Variants in CLCN4 observed in about 807,000 individuals in gnomAD.
CLCN4 encodes Cl-/H+ antiporter 4.
Under a neutral mutation model 41.7 loss-of-function variants are expected in CLCN4, and 1 was observed. The ratio of observed to expected loss-of-function variants is 0.02; its 90% CI spans 0.01 to 0.11. CLCN4 has a LOEUF of 0.11. Among genes scored for constraint, CLCN4 ranks in the 10% least tolerant of loss-of-function variants. The probability of loss-of-function intolerance (pLI) is 1.00; values close to 1 mark genes in which losing one functional copy is unlikely to be tolerated. For missense variants in CLCN4, 287 were observed against 661.0 expected, an observed-to-expected ratio of 0.43 and a Z score of 6.20; for synonymous variants, 277 against 285.8, an observed-to-expected ratio of 0.97 and a Z score of 0.31.
chrX:10,186,309 G>A (rs1923809441), intron 3 of CLCN4, among the ~76,000 whole-genome samples: 1 of 111,283 alleles, frequency 9.0e-6, no homozygotes, highest in African/African-American at 3.3e-5. Context: ...AAACAGCCAC[G>A]GTGGCGTGGG....
intron 11 of CLCN4, among the ~76,000 whole-genome samples, chrX:10,218,189 A>G (rs1413971706): frequency 8.9e-6 from 1 of 112,401 alleles, no homozygotes; most frequent in African/African-American, 3.2e-5. Context: ...CATTTTTTCA[A>G]AATGAAAGTA....
Position 10,220,838 on chromosome X carries a change from G to A in CLCN4, c.2153G>A (p.Arg718Gln), listed in dbSNP as rs779824005. Residue 718 changes from arginine to glutamine, a missense_variant, in exon 12 of 13, where the codon CGG becomes CAG. Coordinates refer to ENST00000380833, the MANE Select transcript of CLCN4 (RefSeq NM_001830.4). Reference protein sequence around the residue: ...TPMETVVDIFRKLGLRQCLVT... With the variant: ...TPMETVVDIFQKLGLRQCLVT... ...ATGGAAACGGTGGTGGATATCTTCC[G>A]GAAACTGGGGCTTCGGCAGTGCCTG... The A allele has an allele frequency of 9.1e-6, 11 of 1,210,197 alleles. No homozygotes were observed. In the Admixed American group the frequency reaches 1.3e-4, roughly 14 times the overall value.
rs61453535 is a variant in CLCN4, at chrX:10,204,613, C to CTTTTTTTTTTTTTTTTTTTTT, written c.556-1729_556-1709dup. ...CTATTCTCACCAGAAAGCTAGTAGT[C>CTTTTTTTTTTTTTTTTTTTTT]TTTTTTTTTTTTTTTTTTTTTTTTT... On this transcript the variant is annotated intron_variant, in intron 6 of 12. Transcript: ENST00000380833. 2.6e-4 allele frequency among the ~76,000 whole-genome samples: 7 copies of CTTTTTTTTTTTTTTTTTTTTT among 27,349 alleles called. 2 individuals are homozygous for CTTTTTTTTTTTTTTTTTTTTT. Among genetic ancestry groups the CTTTTTTTTTTTTTTTTTTTTT allele is most frequent in the Admixed American group, 5.5e-4 (1 of 1,834 alleles). The allele number at this position is 27,349 out of a possible 115,157, so 23.7% of individuals were successfully genotyped here. A position where few individuals can be genotyped will look rare whatever the true frequency, so the allele number is the denominator to read the frequency against.
chrX:10,235,161 G>T lies in CLCN4; in HGVS notation c.*1577G>T, dbSNP rs989907575. On this transcript the variant is annotated 3_prime_UTR_variant, in exon 13 of 13. Coordinates refer to ENST00000380833, the MANE Select transcript of CLCN4 (RefSeq NM_001830.4). ...TTCTTTTTCACCGTTTTTACCTTTT[G>T]TCCTCTGGCTTATTGCCTCAGAGTT... The T allele has an allele frequency of 8.9e-6, 1 of 112,388 alleles. No individual in the cohort carries two copies. The highest frequency in any genetic ancestry group is 3.2e-5 in the African/African-American group (1 of 30,827). 9.3% of individuals were successfully genotyped at this position (112,388 alleles called of 1,213,427 possible).
At chrX:10,183,548 G>A (rs1602144498) in intron 2 of CLCN4, among the ~76,000 whole-genome samples, 1 of 112,314 alleles carries the variant, frequency 8.9e-6, no homozygotes, top group East Asian at 2.8e-4. Context: ...CTTTGCCAAA[G>A]TAATTCTTAT....
In CLCN4 at chrX:10,206,728, T is replaced by C. The variant is rs1278346554; in HGVS notation, c.795T>C (p.Ser265=). Residue 265 remains serine, a synonymous_variant, in exon 8 of 13, where the codon TCT becomes TCC. Transcript: ENST00000380833. ...CAGCTGCAGCGGCTGCTGGAGTCTC[T>C]GTTGCCTTTGGTGCACCAATTGGAG... The part of the protein sequence containing the change: ...VLSAAAAAGV[S]VAFGAPIGGV... The C allele has an allele frequency of 5.8e-6, 7 of 1,206,816 alleles. No individual in the cohort carries two copies. The East Asian group carries it at 1.8e-4, about 31-fold the overall frequency.
intron 3 of CLCN4, among the ~76,000 whole-genome samples, chrX:10,186,068 T>A (rs758725501): frequency 9.1e-6 from 1 of 109,920 alleles, no homozygotes; most frequent in African/African-American, 3.3e-5. Flanking sequence ...GGGAATGGGG[T>A]CACAGAACAC....
intron 2 of CLCN4, among the ~76,000 whole-genome samples, chrX:10,183,017 C>T (rs886979077): frequency 1.5e-4 from 17 of 112,186 alleles, no homozygotes; most frequent in African/African-American, 5.2e-4. Flanking sequence ...TTGGGTTTTT[C>T]TGACAAGGGC....
intron 4 of CLCN4, among the ~76,000 whole-genome samples, chrX:10,188,903 G>A (rs544027907): frequency 3.6e-5 from 4 of 112,135 alleles, no homozygotes; most frequent in Middle Eastern, 4.6e-3. Context: ...TCAGCATTCC[G>A]TAAAGAGCTA....
chrX:10,162,129 A>G (rs1425953341), intron 2 of CLCN4, among the ~76,000 whole-genome samples: 1 of 106,126 alleles, frequency 9.4e-6, no homozygotes, highest in East Asian at 3.0e-4. Flanking sequence ...AGCGATTGTC[A>G]TGCTTCAGCC....
In CLCN4 at chrX:10,235,990, T is replaced by C. The variant is rs1194625181; in HGVS notation, c.*2406T>C. The stretch of plus-strand genomic sequence containing the variant: ...TCTCCTGGGCTTTAAATCCAAAAAG[T>C]CTTAATGACCGCTTCATGTAGTTCC... On this transcript the variant is annotated 3_prime_UTR_variant, in exon 13 of 13. Coordinates refer to ENST00000380833, the MANE Select transcript of CLCN4 (RefSeq NM_001830.4). The C allele has an allele frequency of 8.9e-6, 1 of 112,582 alleles. No individual in the cohort carries two copies. The highest frequency in any genetic ancestry group is 1.9e-5 in the Non-Finnish European group (1 of 53,367). 9.3% of individuals were successfully genotyped at this position (112,582 alleles called of 1,213,427 possible). A position where few individuals can be genotyped will look rare whatever the true frequency, so the allele number is the denominator to read the frequency against.
chrX:10,193,961 G>GTT (rs35321602), intron 4 of CLCN4, among the ~76,000 whole-genome samples: 40 of 99,482 alleles, frequency 4.0e-4, no homozygotes, highest in East Asian at 2.3e-3. Context: ...AACAGGGAGG[G>GTT]TTTTTTTTTT....
chrX:10,187,805 A>G (rs917160640), intron 4 of CLCN4, among the ~76,000 whole-genome samples, 191 bp downstream of exon 4: 7 of 113,045 alleles, frequency 6.2e-5, no homozygotes, highest in Non-Finnish European at 1.1e-4. Flanking sequence ...TCCATCATCA[A>G]TAAGGCATGC....
chrX:10,220,784 G>T lies in CLCN4; in HGVS notation c.2099G>T (p.Ser700Ile). The T allele has an allele frequency of 8.3e-7, 1 of 1,211,950 alleles. No individual in the cohort carries two copies. The highest frequency in any genetic ancestry group is 1.1e-6 in the Non-Finnish European group (1 of 895,517). ...PLKLRRILNL[S>I]PFTVTDHTPM... ...AAGCTGCGGCGCATCCTGAACCTCA[G>T]CCCGTTTACAGTGACAGACCACACT... is the stretch of plus-strand genomic sequence containing the variant. The change falls in exon 12 of 13, where the codon AGC becomes ATC. Residue 700 changes from serine (S) to isoleucine (I), a missense_variant. By Grantham distance (142) the Ser-to-Ile change is moderately radical (BLOSUM62 -2). Coordinates refer to ENST00000380833, the MANE Select transcript of CLCN4 (RefSeq NM_001830.4).
chrX:10,203,843 A>G, intron 6 of CLCN4, among the ~76,000 whole-genome samples: 1 of 111,924 alleles, frequency 8.9e-6, no homozygotes, highest in South Asian at 3.7e-4. Flanking sequence ...TGAGAAACTG[A>G]TTACTTGGCA....
intron 12 of CLCN4, among the ~76,000 whole-genome samples, chrX:10,225,966 T>C (rs1275744537): frequency 9.0e-6 from 1 of 111,684 alleles, no homozygotes. Context: ...CTGTACTGTT[T>C]TGGATACTGT....
intron 9 of CLCN4, 50 bp from the exon 10 acceptor site, chrX:10,212,417 G>A (rs200128846): frequency 5.9e-5 from 67 of 1,134,397 alleles, no homozygotes; most frequent in African/African-American, 1.3e-4. Context: ...GTCGTGAAGC[G>A]GGGACTTGGT....
chrX:10,221,509 A>G (rs753047191), intron 12 of CLCN4, among the ~76,000 whole-genome samples: 2 of 110,852 alleles, frequency 1.8e-5, no homozygotes, highest in South Asian at 7.7e-4. Flanking sequence ...ATTTTTATAA[A>G]ATCAGCCAAG....
chrX:10,186,877 A>G (rs1446767602), intron 3 of CLCN4, among the ~76,000 whole-genome samples: 3 of 111,784 alleles, frequency 2.7e-5, no homozygotes, highest in African/African-American at 9.8e-5. Context: ...GTTGCAACGG[A>G]GACCATCCGG....
Sources: gnomAD v4.1 joint callset for allele counts (sites outside exome capture counted in the v4.1 genomes callset) on GRCh38, gnomAD v4.1.1 for gene constraint, MANE v1.5 for transcripts, NCBI Gene and HGNC (gene_info 2026-07-23, HGNC 2026-07-21) for gene names.